CNTNAP4: variants seen among roughly 807,000 people sequenced by gnomAD.
The protein encoded by CNTNAP4 is contactin-associated protein-like 4.
CNTNAP4 carries 98 observed loss-of-function variants against 148.4 expected under a neutral mutation model. The ratio of observed to expected loss-of-function variants is 0.66; its 90% CI spans 0.56 to 0.78. The LOEUF (loss-of-function observed/expected upper bound fraction) is 0.78, where lower values mean the gene tolerates loss of function less well. Among genes scored for constraint, CNTNAP4 ranks in the 30% least tolerant of loss-of-function variants. CNTNAP4 has a pLI of 0.00. For synonymous variants in CNTNAP4, 730 were observed against 565.1 expected (o/e 1.29, Z -4.14); for missense variants, 1,935 against 1,565.6 (o/e 1.24, Z -3.98).
intron 3 of CNTNAP4, among the ~76,000 whole-genome samples, chr16:76,378,910 CTT>C (rs1218367188): frequency 4.6e-5 from 7 of 152,168 alleles, no homozygotes; most frequent in African/African-American, 1.7e-4. Context: ...GGTGAAGAAA[CTT>C]TATGTATCAG....
At chr16:76,433,368 G>A (rs2145090336) in intron 4 of CNTNAP4, among the ~76,000 whole-genome samples, 1 of 152,204 alleles carries the variant, frequency 6.6e-6, no homozygotes, top group South Asian at 2.1e-4. Flanking sequence ...TTGCTTCAAT[G>A]CAGACAGTTG....
chr16:76,421,314 T>C (rs1309998573), intron 3 of CNTNAP4, among the ~76,000 whole-genome samples: 1 of 152,088 alleles, frequency 6.6e-6, no homozygotes, highest in Non-Finnish European at 1.5e-5. Context: ...TTCCCTTTAA[T>C]TTTGCAAATT....
intron 3 of CNTNAP4, among the ~76,000 whole-genome samples, chr16:76,373,119 C>T (rs1378390657): frequency 2.6e-5 from 4 of 151,844 alleles, no homozygotes; most frequent in East Asian, 1.9e-4. Flanking sequence ...GAATATATTC[C>T]ATATAAATAG....
intron 6 of CNTNAP4, 27 bp downstream of exon 6, chr16:76,448,978 C>G: frequency 6.3e-7 from 1 of 1,592,350 alleles, no homozygotes; most frequent in South Asian, 1.1e-5. Flanking sequence ...TCAATTAATG[C>G]TGATTTTATT....
chr16:76,331,036 G>T (rs1266372914), intron 2 of CNTNAP4, among the ~76,000 whole-genome samples: 2 of 151,792 alleles, frequency 1.3e-5, no homozygotes, highest in African/African-American at 4.8e-5. Flanking sequence ...ATTAACCATT[G>T]TAAAGTATAA....
At chr16:76,336,107 C>T (rs568692759) in intron 2 of CNTNAP4, among the ~76,000 whole-genome samples, 42 of 152,182 alleles carry the variant, frequency 2.8e-4, no homozygotes, top group Admixed American at 2.6e-3. Context: ...ACTGAGTAAT[C>T]TGTGAACTGG....
At chr16:76,411,009 T>C (rs2078772949) in intron 3 of CNTNAP4, among the ~76,000 whole-genome samples, 1 of 151,334 alleles carries the variant, frequency 6.6e-6, no homozygotes, top group African/African-American at 2.4e-5. Context: ...CAATATACAT[T>C]ATAATATGAA....
At chr16:76,521,118 CT>C (rs11353699) in intron 15 of CNTNAP4, 21 bp from the exon 16 acceptor site, 1,161,450 of 1,237,592 alleles carry the variant, frequency 0.94, 542,817 homozygotes, top group African/African-American at 0.95. Context: ...ATTTTTTTTT[CT>C]TTTTTTTTTT....
chr16:76,523,063 C>G (rs747259097), intron 17 of CNTNAP4, among the ~76,000 whole-genome samples: 1 of 152,044 alleles, frequency 6.6e-6, no homozygotes, highest in Non-Finnish European at 1.5e-5. Context: ...CTGCACCCAG[C>G]CTTACCTGCT....
At chr16:76,452,027 A>G (rs911412016) in intron 7 of CNTNAP4, among the ~76,000 whole-genome samples, 5 of 152,016 alleles carry the variant, frequency 3.3e-5, no homozygotes, top group African/African-American at 1.2e-4. Flanking sequence ...TGTATCACTA[A>G]GAAAAAAGAC....
At chr16:76,487,335 G>T (rs1414760246) in intron 12 of CNTNAP4, among the ~76,000 whole-genome samples, 1 of 152,156 alleles carries the variant, frequency 6.6e-6, no homozygotes, top group Non-Finnish European at 1.5e-5. Flanking sequence ...GTGTGCTGGA[G>T]ATATGATTGT....
rs1030323846 is a variant in CNTNAP4, at chr16:76,326,858, G to C, written c.196+10335G>C. ...AGATATACCTAATGCTAAATGACGA[G>C]TTAATGTGTGCAGCACACCAACATG... is the stretch of plus-strand genomic sequence containing the variant. On this transcript the variant is annotated intron_variant, in intron 2 of 23. Coordinates refer to ENST00000611870, the MANE Select transcript of CNTNAP4 (RefSeq NM_033401.5). Among the ~76,000 whole-genome samples the C allele has an allele frequency of 9.2e-5, 14 of 151,984 alleles. No homozygotes were observed. The East Asian group carries it at 2.5e-3, about 27-fold the overall frequency.
intron 8 of CNTNAP4, among the ~76,000 whole-genome samples, chr16:76,458,707 G>T (rs1030702880): frequency 1.3e-4 from 20 of 152,150 alleles, no homozygotes; most frequent in African/African-American, 4.8e-4. Flanking sequence ...TCACTTGCCT[G>T]CCAGCCACTC....
At chr16:76,390,874 T>G (rs976384838) in intron 3 of CNTNAP4, among the ~76,000 whole-genome samples, 2 of 152,114 alleles carry the variant, frequency 1.3e-5, no homozygotes, top group Admixed American at 1.3e-4. Flanking sequence ...TTTTAAAAAA[T>G]TTTTTGTGGG....
At chr16:76,551,082 A>G (rs1041633467) in intron 21 of CNTNAP4, among the ~76,000 whole-genome samples, 73 of 152,180 alleles carry the variant, frequency 4.8e-4, no homozygotes, top group Non-Finnish European at 8.7e-4. Flanking sequence ...GAAAACATGA[A>G]TGAAAATAGA....
intron 21 of CNTNAP4, among the ~76,000 whole-genome samples, chr16:76,549,435 G>A (rs1029993467): frequency 6.6e-6 from 1 of 152,076 alleles, no homozygotes; most frequent in Non-Finnish European, 1.5e-5. Flanking sequence ...AGCCACCTAA[G>A]GTGATCAGTG....
At chr16:76,478,371 T>C (rs1567112) in intron 11 of CNTNAP4, among the ~76,000 whole-genome samples, 83,610 of 152,030 alleles carry the variant, frequency 0.55, 22,960 homozygotes, top group Admixed American at 0.61. Flanking sequence ...TGAACCATGC[T>C]TATATCTCTA....
At chr16:76,425,443 GGT>G in intron 3 of CNTNAP4, among the ~76,000 whole-genome samples, 1 of 152,190 alleles carries the variant, frequency 6.6e-6, no homozygotes, top group East Asian at 1.9e-4. Flanking sequence ...CAATGTTCTA[GGT>G]GTTACGGATG....
chr16:76,448,483 G>T (rs143697825), intron 5 of CNTNAP4, among the ~76,000 whole-genome samples: 18 of 152,266 alleles, frequency 1.2e-4, no homozygotes, highest in African/African-American at 4.3e-4. Context: ...ATTGAAAAAT[G>T]TTGAGGTAGT....
Sources: allele counts gnomAD v4.1 joint callset (sites outside exome capture counted in the v4.1 genomes callset), GRCh38; gene constraint gnomAD v4.1.1; transcripts MANE v1.5; gene names NCBI Gene and HGNC (gene_info 2026-07-23, HGNC 2026-07-21).